RBM20: variants seen among roughly 807,000 people sequenced by gnomAD.
RBM20 encodes the protein RNA binding motif protein 20.
Under a neutral mutation model 110.1 loss-of-function variants are expected in RBM20, and 51 were observed. The observed-to-expected ratio is 0.46, with a 90% CI of 0.37 to 0.59. The LOEUF (loss-of-function observed/expected upper bound fraction) is 0.59. RBM20 is among the 20% of genes least tolerant of loss of function. The pLI, the probability that RBM20 is intolerant of heterozygous loss-of-function variation, is 0.00. For missense variants in RBM20, 1,512 were observed against 1,574.9 expected, an observed-to-expected ratio of 0.96 and a Z score of 0.68; for synonymous variants, 589 against 618.2, an observed-to-expected ratio of 0.95 and a Z score of 0.70.
chr10:110,802,842 A>G (rs1008646735), intron 7 of RBM20, among the ~76,000 whole-genome samples: 1 of 152,220 alleles, frequency 6.6e-6, no homozygotes, highest in Admixed American at 6.5e-5. Flanking sequence ...CATGTGACCT[A>G]TCCTAGATTG....
intron 7 of RBM20, among the ~76,000 whole-genome samples, chr10:110,801,700 C>CTTTTTTTTTTT (rs61281177): frequency 4.3e-5 from 5 of 116,762 alleles, no homozygotes; most frequent in Non-Finnish European, 5.1e-5. Flanking sequence ...TGCCTGGCTA[C>CTTTTTTTTTTT]TTTTTTTTTT....
At chr10:110,734,956 CTG>C (rs1843656199) in intron 1 of RBM20, among the ~76,000 whole-genome samples, 1 of 152,192 alleles carries the variant, frequency 6.6e-6, no homozygotes, top group South Asian at 2.1e-4. Context: ...CTGTCCCACT[CTG>C]TTCTTCCCAT....
At chr10:110,783,281 T>A in intron 2 of RBM20, 85 bp from the exon 3 acceptor site, 2 of 1,058,734 alleles carry the variant, frequency 1.9e-6, no homozygotes, top group Non-Finnish European at 2.8e-6. Context: ...CTGTGCTCCC[T>A]GCCTGACCAG....
chr10:110,763,751 CTTTTTT>C (rs56845100), intron 1 of RBM20, among the ~76,000 whole-genome samples: 15 of 64,394 alleles, frequency 2.3e-4, no homozygotes, highest in Middle Eastern at 0.013. Flanking sequence ...GGCTTCTTGG[CTTTTTT>C]TTTTTTTTTT....
chr10:110,656,152 A>C (rs886372151), intron 1 of RBM20, among the ~76,000 whole-genome samples: 1 of 151,992 alleles, frequency 6.6e-6, no homozygotes, highest in African/African-American at 2.4e-5. Flanking sequence ...AATACAAAAA[A>C]TTTGCCGGGC....
At position 110,648,297 on chromosome 10, in the gene RBM20, C is replaced by G. The variant is rs12240757; in HGVS notation, c.191+3652C>G. On this transcript the variant is annotated intron_variant, in intron 1 of 13. Transcript: ENST00000369519. ...TTCAGAGCAAAGTGCTCCCCTCACTCGGAATAGAAAATGTTGTAAGTAGCA... is the reference window on the plus strand; with the variant it reads ...TTCAGAGCAAAGTGCTCCCCTCACTGGGAATAGAAAATGTTGTAAGTAGCA... Among the ~76,000 whole-genome samples, 3 of 152,090 alleles carry G rather than the reference C, an allele frequency of 2.0e-5. No individual in the cohort carries two copies. In the South Asian group the frequency reaches 6.2e-4, roughly 32 times the overall value.
At chr10:110,723,810 A>C (rs553517833) in intron 1 of RBM20, among the ~76,000 whole-genome samples, 1 of 152,360 alleles carries the variant, frequency 6.6e-6, no homozygotes, top group African/African-American at 2.4e-5. Context: ...CCTGTTGTAC[A>C]GATGAGCACG....
intron 2 of RBM20, 144 bp downstream of exon 2, chr10:110,782,028 C>A: frequency 1.0e-6 from 1 of 979,948 alleles, no homozygotes; most frequent in Non-Finnish European, 1.5e-6. Flanking sequence ...ACTAAAATCA[C>A]AGGTATTAGG....
intron 1 of RBM20, among the ~76,000 whole-genome samples, chr10:110,752,617 T>C (rs1564835083): frequency 6.6e-6 from 1 of 152,140 alleles, no homozygotes; most frequent in Non-Finnish European, 1.5e-5. Flanking sequence ...TATGTACTTA[T>C]TTTTTTCCAA....
chr10:110,802,377 A>G (rs538870178), intron 7 of RBM20, among the ~76,000 whole-genome samples: 3 of 123,900 alleles, frequency 2.4e-5, no homozygotes, highest in South Asian at 2.7e-4. Flanking sequence ...TTCAGGCAGA[A>G]CCTGGCTTTT....
At chr10:110,682,786 A>G (rs1862442245) in intron 1 of RBM20, among the ~76,000 whole-genome samples, 2 of 152,220 alleles carry the variant, frequency 1.3e-5, no homozygotes, top group African/African-American at 4.8e-5. Flanking sequence ...CTACTGTAGG[A>G]TTATGCAAAT....
chr10:110,681,616 C>T (rs923853968), intron 1 of RBM20, among the ~76,000 whole-genome samples: 1 of 152,150 alleles, frequency 6.6e-6, no homozygotes, highest in Admixed American at 6.5e-5. Flanking sequence ...AGCCTGAGGT[C>T]GGGTGAGGAG....
chr10:110,720,067 A>G (rs1383509061), intron 1 of RBM20, among the ~76,000 whole-genome samples: 1 of 152,058 alleles, frequency 6.6e-6, no homozygotes, highest in Non-Finnish European at 1.5e-5. Context: ...CTTTTTTATA[A>G]GGGCACTAAT....
chr10:110,761,191 A>G (rs1364777402), intron 1 of RBM20: 1 of 152,154 alleles, frequency 6.6e-6, no homozygotes, highest in Non-Finnish European at 1.5e-5. Flanking sequence ...TGATCTCAGA[A>G]GCTAAGCACG....
At chr10:110,768,101 G>A (rs1041787436) in intron 1 of RBM20, among the ~76,000 whole-genome samples, 54 of 152,246 alleles carry the variant, frequency 3.5e-4, no homozygotes, top group African/African-American at 1.1e-3. Context: ...GTGGCGGCGC[G>A]CGCCTGCAAT....
chr10:110,672,892 C>T (rs1161393400), intron 1 of RBM20, among the ~76,000 whole-genome samples: 1 of 152,208 alleles, frequency 6.6e-6, no homozygotes, highest in Admixed American at 6.5e-5. Flanking sequence ...TTTGTCTATA[C>T]ATACGTTAGA....
At chr10:110,829,840 C>T (rs1431824739) in intron 12 of RBM20, among the ~76,000 whole-genome samples, 1 of 152,184 alleles carries the variant, frequency 6.6e-6, no homozygotes, top group Non-Finnish European at 1.5e-5. Flanking sequence ...GTGCCATTCC[C>T]AGGCCCCTTC....
intron 1 of RBM20, among the ~76,000 whole-genome samples, chr10:110,693,282 T>C (rs1008391770): frequency 6.6e-6 from 1 of 152,164 alleles, no homozygotes; most frequent in Non-Finnish European, 1.5e-5. Context: ...TCATAGAATA[T>C]GTAGGAAATG....
Position 110,822,010 on chromosome 10 carries a change from G to A in RBM20, c.3316+75G>A, listed in dbSNP as rs192387754. On this transcript the variant is annotated intron_variant, in intron 11 of 13. Transcript: ENST00000369519. ...CTCACCTGATAAAGTATGAGCATGT[G>A]CAGGCTGGAATGAACATAAGTAAGG... 5.5e-5 allele frequency: 77 copies of A among 1,394,368 alleles called. No individual in the cohort carries two copies. In the Admixed American group the frequency reaches 1.5e-3, roughly 27 times the overall value. 86.4% of individuals were successfully genotyped at this position (1,394,368 alleles called of 1,614,324 possible). A position where few individuals can be genotyped will look rare whatever the true frequency, so the allele number is the denominator to read the frequency against.
Sources: gnomAD v4.1 joint callset for allele counts (sites outside exome capture counted in the v4.1 genomes callset) on GRCh38, gnomAD v4.1.1 for gene constraint, MANE v1.5 for transcripts, NCBI Gene and HGNC (gene_info 2026-07-23, HGNC 2026-07-21) for gene names.